The following TBCK variants were observed in gnomAD, a reference collection of about 807,000 sequenced individuals.
The protein encoded by TBCK is TBC domain-containing protein kinase-like protein.
Under a neutral mutation model 113.4 loss-of-function variants are expected in TBCK, and 99 were observed. That is an observed-to-expected ratio of 0.87 (90% CI 0.74 to 1.03). The LOEUF (loss-of-function observed/expected upper bound fraction) is 1.03, where lower values mean the gene tolerates loss of function less well. TBCK is among the 50% of genes least tolerant of loss of function. The pLI is 0.00. For synonymous variants in TBCK, 369 were observed against 370.8 expected (o/e 1.00, Z 0.05); for missense variants, 1,045 against 1,061.3 (o/e 0.98, Z 0.21).
chr4:106,130,624 A>T (rs1379043042), intron 23 of TBCK, among the ~76,000 whole-genome samples: 3 of 148,952 alleles, frequency 2.0e-5, no homozygotes, highest in Non-Finnish European at 3.0e-5. Context: ...ACACACACAC[A>T]CACACCACAC....
Position 106,134,581 on chromosome 4 carries a change from T to C in TBCK, c.2236-18203A>G, listed in dbSNP as rs570793032. Among the ~76,000 whole-genome samples the C allele has an allele frequency of 3.9e-5, 6 of 152,342 alleles. No individual in the cohort carries two copies. The East Asian group carries it at 1.2e-3, about 29-fold the overall frequency. ...GGAATTGACTTTGTGGAAAACACAG[T>C]ATTTAAGATACGATGTACTTCCATT... On this transcript the variant is annotated intron_variant, in intron 23 of 25. Coordinates refer to ENST00000394708, the MANE Select transcript of TBCK (RefSeq NM_001163435.3).
intron 23 of TBCK, among the ~76,000 whole-genome samples, chr4:106,155,507 A>G (rs1017404897): frequency 1.2e-4 from 18 of 152,128 alleles, no homozygotes; most frequent in African/African-American, 4.3e-4. Flanking sequence ...CTTTAAGTCC[A>G]GTAACTCTTA....
chr4:106,231,938 G>C (rs1204063080), intron 17 of TBCK, among the ~76,000 whole-genome samples, 159 bp from the exon 18 acceptor site: 1 of 151,816 alleles, frequency 6.6e-6, no homozygotes, highest in Non-Finnish European at 1.5e-5. Flanking sequence ...ACTGTGGGGA[G>C]TGAGTGATAG....
chr4:106,045,062 T>C lies in TBCK; in HGVS notation c.*1508A>G, dbSNP rs1351524450. Reference sequence around the variant, plus strand: ...TGAAATGGGAATGTATCTTTCTTTTTTTTTTTTTTTTTGAGATGGCAGGGT... The same window carrying C: ...TGAAATGGGAATGTATCTTTCTTTTCTTTTTTTTTTTTGAGATGGCAGGGT... On this transcript the variant is annotated 3_prime_UTR_variant, in exon 26 of 26. Coordinates refer to ENST00000394708, the MANE Select transcript of TBCK (RefSeq NM_001163435.3). 2.0e-5 allele frequency: 3 copies of C among 150,798 alleles called. No individual in the cohort carries two copies. The highest frequency in any genetic ancestry group is 1.9e-4 in the East Asian group (1 of 5,136). 9.3% of individuals were successfully genotyped at this position (150,798 alleles called of 1,614,324 possible).
At chr4:106,091,811 G>T (rs1446675063) in intron 25 of TBCK, among the ~76,000 whole-genome samples, 1 of 152,188 alleles carries the variant, frequency 6.6e-6, no homozygotes, top group Non-Finnish European at 1.5e-5. Flanking sequence ...TGCCACTGCT[G>T]GCTGGGGCAG....
At chr4:106,191,155 T>C (rs1560791787) in intron 22 of TBCK, among the ~76,000 whole-genome samples, 2 of 152,194 alleles carry the variant, frequency 1.3e-5, no homozygotes, top group African/African-American at 2.4e-5. Context: ...ACTATTTACA[T>C]AGCATTTCCA....
At chr4:106,286,314 C>T (rs914407517) in intron 3 of TBCK, among the ~76,000 whole-genome samples, 1 of 152,112 alleles carries the variant, frequency 6.6e-6, no homozygotes, top group Non-Finnish European at 1.5e-5. Flanking sequence ...AAAGAATGTG[C>T]TTCCATCTAC....
In TBCK at chr4:106,116,234, G is replaced by A. The variant is rs370931233; in HGVS notation, c.2380C>T (p.Leu794Phe). The stretch of plus-strand genomic sequence containing the variant: ...CTATTCCGGATGTCAACCACCAGGA[G>A]CTTTGGTTTACTGGACTTTGTTTTC... ...SKKTKSSKPK[L>F]LVVDIRNSED... The change falls in exon 24 of 26, where the codon CTC (leucine) becomes TTC (phenylalanine). Residue 794 changes from leucine to phenylalanine, a missense_variant. By Grantham distance (22) the Leu-to-Phe change is conservative. Coordinates refer to ENST00000394708, the MANE Select transcript of TBCK (RefSeq NM_001163435.3). 10 of 1,614,042 alleles carry A rather than the reference G, an allele frequency of 6.2e-6. No homozygotes were observed. Among genetic ancestry groups the A allele is most frequent in the Middle Eastern group, 1.6e-4 (1 of 6,062 alleles).
At chr4:106,305,721 A>G (rs1386228667) in intron 2 of TBCK, among the ~76,000 whole-genome samples, 1 of 152,126 alleles carries the variant, frequency 6.6e-6, no homozygotes, top group East Asian at 1.9e-4. Context: ...AGGTCAGCAC[A>G]AGATACAGGT....
chr4:106,185,427 C>T (rs190672179), intron 22 of TBCK, among the ~76,000 whole-genome samples: 11 of 152,032 alleles, frequency 7.2e-5, no homozygotes, highest in African/African-American at 2.4e-4. Context: ...ACAGCAGATC[C>T]CTAGAAATTA....
chr4:106,183,962 A>G (rs913853686), intron 22 of TBCK, among the ~76,000 whole-genome samples: 3 of 151,874 alleles, frequency 2.0e-5, no homozygotes, highest in Admixed American at 1.3e-4. Flanking sequence ...TGCTCCTAGC[A>G]GGTATTGAGG....
intron 3 of TBCK, among the ~76,000 whole-genome samples, chr4:106,263,231 A>C (rs1169474611): frequency 6.6e-6 from 1 of 151,948 alleles, no homozygotes; most frequent in Non-Finnish European, 1.5e-5. Flanking sequence ...TAGCCACTAA[A>C]CATAATTTTT....
chr4:106,155,640 C>T (rs1749034905), intron 23 of TBCK, among the ~76,000 whole-genome samples: 1 of 152,000 alleles, frequency 6.6e-6, no homozygotes, highest in Non-Finnish European at 1.5e-5. Context: ...CTCACTAACT[C>T]CTTCTGCTTG....
chr4:106,191,333 A>C (rs758672092), intron 22 of TBCK, among the ~76,000 whole-genome samples: 1 of 152,306 alleles, frequency 6.6e-6, no homozygotes, highest in South Asian at 2.1e-4. Flanking sequence ...ATTTCACTGA[A>C]TATCTTGCTA....
chr4:106,233,848 G>A (rs1173545660), intron 15 of TBCK, among the ~76,000 whole-genome samples, 198 bp from the exon 16 acceptor site: 1 of 152,068 alleles, frequency 6.6e-6, no homozygotes, highest in Non-Finnish European at 1.5e-5. Flanking sequence ...TCTCTGATAA[G>A]TGACAATTTG....
chr4:106,286,472 C>G (rs1005831317), intron 3 of TBCK, among the ~76,000 whole-genome samples: 1 of 152,146 alleles, frequency 6.6e-6, no homozygotes, highest in Admixed American at 6.5e-5. Context: ...TTTAATCATA[C>G]TGGCAAAGCA....
At chr4:106,082,946 T>C (rs76536300) in intron 25 of TBCK, among the ~76,000 whole-genome samples, 2,619 of 152,324 alleles carry the variant, frequency 0.017, 33 homozygotes, top group Middle Eastern at 0.092. Context: ...CAAATTGAAC[T>C]GTGCAACCCA....
At chr4:106,299,503 A>G (rs1167371520) in intron 2 of TBCK, among the ~76,000 whole-genome samples, 1 of 152,244 alleles carries the variant, frequency 6.6e-6, no homozygotes, top group African/African-American at 2.4e-5. Flanking sequence ...TCAAAACATC[A>G]TAAACAAGTG....
chr4:106,198,622 CAT>C (rs569483559), intron 20 of TBCK, among the ~76,000 whole-genome samples: 4 of 151,928 alleles, frequency 2.6e-5, no homozygotes, highest in Non-Finnish European at 5.9e-5. Context: ...TGCTTTGTAT[CAT>C]ATATAATATA....
Sources: allele counts gnomAD v4.1 joint callset (sites outside exome capture counted in the v4.1 genomes callset), GRCh38; gene constraint gnomAD v4.1.1; transcripts MANE v1.5; gene names NCBI Gene and HGNC (gene_info 2026-07-23, HGNC 2026-07-21).